UPP2: variants seen among roughly 807,000 people sequenced by gnomAD.
UPP2 encodes uridine phosphorylase 2.
In UPP2, 23 loss-of-function variants were observed where a neutral mutation model predicts 26.7. That is an observed-to-expected ratio of 0.86 (90% CI 0.62 to 1.22). The LOEUF is 1.22. Among genes scored for constraint, UPP2 ranks in the 50% most tolerant of loss-of-function variants. The pLI is 0.00. For missense variants in UPP2, 387 were observed against 396.7 expected (o/e 0.98, Z 0.21); for synonymous variants, 127 against 141.3 (o/e 0.90, Z 0.72).
chr2:158,112,826 A>C (rs1023420340), intron 2 of UPP2, among the ~76,000 whole-genome samples: 1 of 152,230 alleles, frequency 6.6e-6, no homozygotes, highest in African/African-American at 2.4e-5. Context: ...TGCTAGGGAT[A>C]TCTAAAGCTG....
intron 3 of UPP2, among the ~76,000 whole-genome samples, chr2:158,049,939 C>T (rs1051001988): frequency 2.0e-5 from 3 of 152,122 alleles, no homozygotes; most frequent in Non-Finnish European, 4.4e-5. Context: ...TCACTTGAAC[C>T]AATAGGCCCC....
intron 4 of UPP2, among the ~76,000 whole-genome samples, chr2:158,118,159 T>C (rs112056857): frequency 2.0e-5 from 3 of 152,038 alleles, no homozygotes; most frequent in African/African-American, 4.8e-5. Flanking sequence ...TCACTGCCTA[T>C]TGCGGGATAG....
chr2:158,054,252 T>C (rs1443529208), intron 3 of UPP2, among the ~76,000 whole-genome samples: 3 of 152,046 alleles, frequency 2.0e-5, no homozygotes, highest in Non-Finnish European at 2.9e-5. Flanking sequence ...AGTGAGACCC[T>C]GTCTCAAGGA....
At chr2:158,012,921 C>T (rs1683602836) in intron 2 of UPP2, among the ~76,000 whole-genome samples, 1 of 151,964 alleles carries the variant, frequency 6.6e-6, no homozygotes, top group African/African-American at 2.4e-5. Flanking sequence ...GATCTCATAC[C>T]CTACTATATG....
At chr2:158,002,436 T>C (rs1683423738) in intron 2 of UPP2, among the ~76,000 whole-genome samples, 1 of 152,222 alleles carries the variant, frequency 6.6e-6, no homozygotes, top group Non-Finnish European at 1.5e-5. Context: ...GCTCTTTATT[T>C]TGAATCCTAC....
upstream of UPP2, among the ~76,000 whole-genome samples, chr2:158,097,394 T>TAG (rs796426805): frequency 1.4e-4 from 22 of 151,876 alleles, no homozygotes; most frequent in Middle Eastern, 6.8e-3. Flanking sequence ...TATATATATA[T>TAG]AGAGAGAGTG....
At chr2:158,134,481 C>T (rs1353178553) in intron 6 of UPP2, among the ~76,000 whole-genome samples, 1 of 152,178 alleles carries the variant, frequency 6.6e-6, no homozygotes, top group Admixed American at 6.5e-5. Flanking sequence ...TGATGCTTTC[C>T]TGAGCCTTAA....
intron 3 of UPP2, among the ~76,000 whole-genome samples, chr2:158,057,049 T>C (rs1035927883): frequency 2.0e-5 from 3 of 152,168 alleles, no homozygotes; most frequent in Non-Finnish European, 2.9e-5. Context: ...GAAGCTTTTC[T>C]TATGATAACA....
At position 158,001,957 on chromosome 2, in the gene UPP2, C is replaced by CAAAAA. The variant is rs200818827; in HGVS notation, c.61+6719_61+6723dup. 6.4e-3 allele frequency among the ~76,000 whole-genome samples: 415 copies of CAAAAA among 65,138 alleles called. 2 individuals carry two copies. The highest frequency in any genetic ancestry group is 8.4e-3 in the Non-Finnish European group (270 of 32,226). 42.7% of individuals were successfully genotyped at this position (65,138 alleles called of 152,430 possible). On this transcript the variant is annotated intron_variant, in intron 2 of 9. Transcript: ENST00000605860. ...CTGGTTGCCTGGGGAGAATGAGCAC[C>CAAAAA]AAAAAAAAAAAAAAAAAAAAAAAAA...
chr2:158,018,750 A>G (rs775370970), intron 3 of UPP2, among the ~76,000 whole-genome samples: 2 of 151,824 alleles, frequency 1.3e-5, no homozygotes, highest in Non-Finnish European at 2.9e-5. Flanking sequence ...TTGTCAATAC[A>G]CTCTTACATT....
chr2:158,074,945 T>A (rs762122934), intron 3 of UPP2, among the ~76,000 whole-genome samples: 10 of 149,120 alleles, frequency 6.7e-5, no homozygotes, highest in Non-Finnish European at 1.3e-4. Flanking sequence ...TCGATGCAAA[T>A]GGAAACCAAA....
At chr2:157,997,498 T>C (rs1683339444) in intron 2 of UPP2, among the ~76,000 whole-genome samples, 1 of 152,212 alleles carries the variant, frequency 6.6e-6, no homozygotes, top group African/African-American at 2.4e-5. Context: ...CTTCTGTTTA[T>C]AGAGGTAAAA....
chr2:158,131,206 C>A (rs1454386703), intron 6 of UPP2, among the ~76,000 whole-genome samples: 3 of 152,102 alleles, frequency 2.0e-5, no homozygotes, highest in African/African-American at 7.2e-5. Context: ...GAAGAAAGGC[C>A]AGGCTGGGAA....
chr2:158,022,753 TTC>T (rs1329112268), intron 3 of UPP2, among the ~76,000 whole-genome samples: 2 of 152,156 alleles, frequency 1.3e-5, no homozygotes, highest in Non-Finnish European at 2.9e-5. Flanking sequence ...GGTATAGAGG[TTC>T]TGTACGATAG....
chr2:158,045,476 G>C (rs1221675473), intron 3 of UPP2, among the ~76,000 whole-genome samples: 2 of 152,126 alleles, frequency 1.3e-5, no homozygotes, highest in South Asian at 2.1e-4. Flanking sequence ...AGGTAATTTG[G>C]GGTACTGAAG....
chr2:158,039,000 G>C (rs1553464796), intron 3 of UPP2, among the ~76,000 whole-genome samples: 1 of 152,184 alleles, frequency 6.6e-6, no homozygotes, highest in Non-Finnish European at 1.5e-5. Context: ...CACTTTGGCT[G>C]GTTGCACTGA....
At chr2:158,048,295 G>A (rs1338145981) in intron 3 of UPP2, among the ~76,000 whole-genome samples, 1 of 152,206 alleles carries the variant, frequency 6.6e-6, no homozygotes, top group Non-Finnish European at 1.5e-5. Context: ...TAGAAGAACT[G>A]AGTTGCTCAG....
Position 158,123,107 on chromosome 2 carries a change from A to T in UPP2, c.665-642A>T, listed in dbSNP as rs112456704. Among the ~76,000 whole-genome samples the T allele has an allele frequency of 3.5e-3, 540 of 152,294 alleles. 6 individuals are homozygous for T. Among genetic ancestry groups the T allele is most frequent in the African/African-American group, 0.012 (505 of 41,568 alleles). On this transcript the variant is annotated intron_variant, in intron 5 of 6. Transcript: ENST00000005756. ...GTCTATTTCTGGGTGTGCACAGGGT[A>T]CGGAAGGAGTAATGACATCAAGGTT...
At chr2:158,043,667 T>G (rs1274351874) in intron 3 of UPP2, among the ~76,000 whole-genome samples, 1 of 152,220 alleles carries the variant, frequency 6.6e-6, no homozygotes, top group Non-Finnish European at 1.5e-5. Context: ...GTCTTGTATG[T>G]GCTTGCTTAG....
Sources: gnomAD v4.1 joint callset for allele counts (sites outside exome capture counted in the v4.1 genomes callset) on GRCh38, gnomAD v4.1.1 for gene constraint, MANE v1.5 for transcripts, NCBI Gene and HGNC (gene_info 2026-07-23, HGNC 2026-07-21) for gene names.